ARLN: variants seen among roughly 807,000 people sequenced by gnomAD.
ARLN encodes sarcoplasmic/endoplasmic reticulum calcium ATPase regulator ARLN.
At chr4:119,303,257 G>A in the ARLN span, among the ~76,000 whole-genome samples, 11 of 136,672 alleles carry the variant, frequency 8.0e-5, no homozygotes, top group Non-Finnish European at 1.2e-4. Context: ...TTTTGGAGAC[G>A]GAGTCTTGCT....
At chr4:119,299,413 C>CCT in the ARLN span, among the ~76,000 whole-genome samples, 4 of 152,212 alleles carry the variant, frequency 2.6e-5, no homozygotes, top group Non-Finnish European at 5.9e-5. Context: ...GGCATGGTGA[C>CCT]TAAGGAGTTA....
At chr4:119,300,259 A>C in the ARLN span, 2 of 1,179,410 alleles carry the variant, frequency 1.7e-6, no homozygotes, top group Non-Finnish European at 2.5e-6. Context: ...TCTGGAATTC[A>C]GTCCCCTCCC....
the ARLN span, among the ~76,000 whole-genome samples, chr4:119,302,005 T>C: frequency 7.9e-5 from 12 of 152,170 alleles, no homozygotes; most frequent in Non-Finnish European, 1.6e-4. Flanking sequence ...CTGATGGTAG[T>C]AGACAAAAAG....
chr4:119,303,572 T>C, the ARLN span, among the ~76,000 whole-genome samples: 1,191 of 152,290 alleles, frequency 7.8e-3, 15 homozygotes, highest in African/African-American at 0.027. Context: ...ATATCTTCAA[T>C]AGTTTTCTTT....
At chr4:119,297,922 C>T in the ARLN span, 264 of 152,646 alleles carry the variant, frequency 1.7e-3, no homozygotes, top group Middle Eastern at 3.4e-3. Context: ...GCAAGAATGC[C>T]TTTTTGTTTT....
chr4:119,298,807 T>C, the ARLN span: 31 of 773,762 alleles, frequency 4.0e-5, no homozygotes, highest in African/African-American at 4.9e-4. Flanking sequence ...TTGTCAGCAA[T>C]ATGTGCTTTA....
the ARLN span, chr4:119,298,764 A>AT: frequency 1.3e-6 from 1 of 774,322 alleles, no homozygotes; most frequent in Non-Finnish European, 2.4e-6. Context: ...CTTAATTTAG[A>AT]TATCAGCGAA....
chr4:119,302,817 A>T, the ARLN span, among the ~76,000 whole-genome samples: 1 of 152,254 alleles, frequency 6.6e-6, no homozygotes, highest in Non-Finnish European at 1.5e-5. Flanking sequence ...GGCCAAAGAC[A>T]GCTAAGTGTT....
chr4:119,299,975 A>G, the ARLN span, among the ~76,000 whole-genome samples: 3 of 152,114 alleles, frequency 2.0e-5, no homozygotes, highest in Admixed American at 6.6e-5. Context: ...CTACACCCCT[A>G]TGACCTGGGT....
the ARLN span, among the ~76,000 whole-genome samples, chr4:119,299,792 T>G: frequency 1.3e-5 from 2 of 152,206 alleles, no homozygotes; most frequent in African/African-American, 4.8e-5. Context: ...ATGGTAACGC[T>G]GCAAGGCAAG....
chr4:119,300,935 G>A, the ARLN span: 34 of 857,810 alleles, frequency 4.0e-5, no homozygotes, highest in African/African-American at 5.4e-4. Context: ...CCCGTATTCC[G>A]TTTGGATCCT....
At chr4:119,301,765 T>C in the ARLN span, among the ~76,000 whole-genome samples, 2 of 152,250 alleles carry the variant, frequency 1.3e-5, no homozygotes, top group South Asian at 4.1e-4. Flanking sequence ...AAGGAGTGAA[T>C]TGTCTAAGGT....
chr4:119,297,631 T>G, the ARLN span: 1 of 151,978 alleles, frequency 6.6e-6, no homozygotes, highest in African/African-American at 2.4e-5. Flanking sequence ...TTTTTTGTAT[T>G]TTTTAATAGA....
At chr4:119,303,343 C>T in the ARLN span, among the ~76,000 whole-genome samples, 2 of 151,408 alleles carry the variant, frequency 1.3e-5, no homozygotes, top group Non-Finnish European at 2.9e-5. Flanking sequence ...AAGCGATTCT[C>T]CCTGCCTCAG....
chr4:119,302,525 GC>G, the ARLN span, among the ~76,000 whole-genome samples: 1 of 152,210 alleles, frequency 6.6e-6, no homozygotes, highest in Non-Finnish European at 1.5e-5. Context: ...ACAGGCATGA[GC>G]CACCTTGCTC....
At chr4:119,303,710 C>A in the ARLN span, among the ~76,000 whole-genome samples, 4 of 152,262 alleles carry the variant, frequency 2.6e-5, no homozygotes, top group East Asian at 7.7e-4. Flanking sequence ...ATGGCGAAAT[C>A]CCATCTCTAC....
At chr4:119,300,058 G>A in the ARLN span, among the ~76,000 whole-genome samples, 4 of 152,060 alleles carry the variant, frequency 2.6e-5, no homozygotes, top group South Asian at 8.3e-4. Flanking sequence ...GTCGCTTCAT[G>A]GTGCTGCAGG....
chr4:119,300,721 G>A, the ARLN span: 1 of 1,524,712 alleles, frequency 6.6e-7, no homozygotes, highest in Non-Finnish European at 8.8e-7. Context: ...GCTTTCCGCT[G>A]CCTCCGTGAC....
At chr4:119,297,683 T>G in the ARLN span, 1 of 152,556 alleles carries the variant, frequency 6.6e-6, no homozygotes, top group Admixed American at 6.5e-5. Flanking sequence ...GTCACAACTC[T>G]TGACCTCAAG....
Sources: gnomAD v4.1 joint callset for allele counts (sites outside exome capture counted in the v4.1 genomes callset) on GRCh38, gnomAD v4.1.1 for gene constraint, MANE v1.5 for transcripts, NCBI Gene and HGNC (gene_info 2026-07-23, HGNC 2026-07-21) for gene names.